Variants in RASIP1 observed in about 807,000 individuals in gnomAD.
RASIP1 encodes Ras interacting protein 1, also known as ras-interacting protein 1.
Under a neutral mutation model 85.3 loss-of-function variants are expected in RASIP1, and 20 were observed. The observed-to-expected ratio is 0.23, with a 90% CI of 0.17 to 0.34. The LOEUF (loss-of-function observed/expected upper bound fraction) is 0.34, where lower values mean the gene tolerates loss of function less well. Ranked by LOEUF, RASIP1 falls within the 10% of genes least tolerant of loss-of-function variation. The pLI, the probability that RASIP1 is intolerant of heterozygous loss-of-function variation, is 1.00. For synonymous variants in RASIP1, 617 were observed against 647.1 expected (o/e 0.95, Z 0.71); for missense variants, 1,170 against 1,390.9 (o/e 0.84, Z 2.53).
Position 48,739,376 on chromosome 19 carries a change from G to T in RASIP1, c.407C>A (p.Pro136Gln). ...ELAAGVAPEP[P>Q]LATRATAPPG... ...AGGCGCCGTGGCGCGGGTAGCCAGC[G>T]GGGGCTCGGGGGCCACGCCCGCCGC... Residue 136 changes from proline (P) to glutamine (Q), a missense_variant, in exon 3 of 12, where the codon CCG becomes CAG. Pro to Gln is a moderately conservative substitution (Grantham distance 76, BLOSUM62 -1). Around this residue, in one of 4 missense-constraint regions of RASIP1, gnomAD observed 299 missense variants for 394.4 expected, o/e 0.76. Coordinates refer to ENST00000222145, the MANE Select transcript of RASIP1 (RefSeq NM_017805.3). This position sits in a 1 kb window ranked among gnomAD's most constrained non-coding sequence, Gnocchi z 9.2. 7.5e-7 allele frequency: 1 copy of T among 1,341,800 alleles called. No homozygotes were observed. Among genetic ancestry groups the T allele is most frequent in the South Asian group, 1.9e-5 (1 of 53,924 alleles). 83.1% of individuals were successfully genotyped at this position (1,341,800 alleles called of 1,614,324 possible). A position where few individuals can be genotyped will look rare whatever the true frequency, so the allele number is the denominator to read the frequency against.
Position 48,740,359 on chromosome 19 carries a change from C to G in RASIP1, c.-4-73G>C. 1 of 1,499,388 alleles carries G rather than the reference C, an allele frequency of 6.7e-7. No homozygotes were observed. Among genetic ancestry groups the G allele is most frequent in the Non-Finnish European group, 8.9e-7 (1 of 1,121,472 alleles). 92.9% of individuals were successfully genotyped at this position (1,499,388 alleles called of 1,614,324 possible). On this transcript the variant is annotated intron_variant, in intron 1 of 11. Transcript: ENST00000222145. This position sits in a 1 kb window ranked among gnomAD's most constrained non-coding sequence, Gnocchi z 5.5. The stretch of plus-strand genomic sequence containing the variant: ...GATGGGGTGGAGGGAACCTGGACTC[C>G]GAGTCAGAGGGAGGAGGGGGCTGGG...
intron 11 of RASIP1, 29 bp downstream of exon 11, chr19:48,721,825 C>G (rs774725789): frequency 5.0e-6 from 8 of 1,584,216 alleles, no homozygotes; most frequent in Non-Finnish European, 6.9e-6. Context: ...AAGCTGACAG[C>G]CCCAATGCTG....
In RASIP1 at chr19:48,728,940, G is replaced by A; in HGVS notation, c.1830C>T (p.Val610=). 6.9e-7 allele frequency: 1 copy of A among 1,447,250 alleles called. No individual in the cohort carries two copies. The highest frequency in any genetic ancestry group is 1.4e-5 in the South Asian group (1 of 73,318). 89.7% of individuals were successfully genotyped at this position (1,447,250 alleles called of 1,614,324 possible). A position where few individuals can be genotyped will look rare whatever the true frequency, so the allele number is the denominator to read the frequency against. The part of the protein sequence containing the change: ...GRLARLIKEA[V]WEKIKEIGDR... ...ACGGCGATTGGGGGGCGCTCACCCA[G>A]ACGGCCTCCTTGATGAGCCGGGCCA... Residue 610 remains valine (V), a synonymous_variant, in exon 5 of 12, where the codon GTC becomes GTT. Coordinates refer to ENST00000222145, the MANE Select transcript of RASIP1 (RefSeq NM_017805.3).
Position 48,739,758 on chromosome 19 carries a change from G to A in RASIP1, c.138-113C>T, listed in dbSNP as rs992814534. Reference sequence around the variant, plus strand: ...GGGCAGAGACCCAGAGGGAGGACAGGGACCCAGGGTGGATGGACGGGGCGG... The same window carrying A: ...GGGCAGAGACCCAGAGGGAGGACAGAGACCCAGGGTGGATGGACGGGGCGG... On this transcript the variant is annotated intron_variant, in intron 2 of 11. Transcript: ENST00000222145. This position sits in a 1 kb window ranked among gnomAD's most constrained non-coding sequence, Gnocchi z 9.2. 8.2e-7 allele frequency: 1 copy of A among 1,212,972 alleles called. No individual in the cohort carries two copies. The highest frequency in any genetic ancestry group is 1.1e-6 in the Non-Finnish European group (1 of 938,844). The allele number at this position is 1,212,972 out of a possible 1,614,324, so 75.1% of individuals were successfully genotyped here.
chr19:48,727,720 G>A (rs1195396949), intron 5 of RASIP1, among the ~76,000 whole-genome samples: 2 of 129,642 alleles, frequency 1.5e-5, no homozygotes, highest in African/African-American at 5.6e-5. Context: ...GAGTTACCCT[G>A]TTGTTGCCCA....
chr19:48,729,271 G>A lies in RASIP1; in HGVS notation c.1499C>T (p.Pro500Leu). ...PRTGGSGPAR[P>L]PWLPARPGAT... ...CCCGGGGCGCGCGGGCAGCCACGGCGGCCTCGCAGGCCCCGAGCCCCCAGT... is the reference window on the plus strand; with the variant it reads ...CCCGGGGCGCGCGGGCAGCCACGGCAGCCTCGCAGGCCCCGAGCCCCCAGT... The change falls in exon 5 of 12, where the codon CCG (proline) becomes CTG (leucine). Residue 500 changes from proline (P) to leucine (L), a missense_variant. By Grantham distance (98) the Pro-to-Leu change is moderately conservative. Around this residue, in one of 4 missense-constraint regions of RASIP1, gnomAD observed 426 missense variants for 576.2 expected, o/e 0.74. Transcript: ENST00000222145. 24 of 1,511,982 alleles carry A rather than the reference G, an allele frequency of 1.6e-5. No homozygotes were observed. The highest frequency in any genetic ancestry group is 2.1e-5 in the Non-Finnish European group (24 of 1,133,758). 93.7% of individuals were successfully genotyped at this position (1,511,982 alleles called of 1,614,324 possible).
chr19:48,723,559 CAAAAAAAA>C (rs56200310), intron 10 of RASIP1, among the ~76,000 whole-genome samples: 2 of 77,310 alleles, frequency 2.6e-5, no homozygotes, highest in Admixed American at 1.3e-4. Flanking sequence ...GACTCCGTCT[CAAAAAAAA>C]AAAAAAAAAA....
Position 48,721,897 on chromosome 19 carries a change from G to A in RASIP1, c.2649C>T (p.Ala883=), listed in dbSNP as rs376250544. 169 of 1,606,550 alleles carry A rather than the reference G, an allele frequency of 1.1e-4. No individual in the cohort carries two copies. Among genetic ancestry groups the A allele is most frequent in the Middle Eastern group, 8.7e-4 (5 of 5,766 alleles). The change falls in exon 11 of 12, where the codon GCC becomes GCT. Residue 883 remains alanine, a synonymous_variant. Transcript: ENST00000222145. ...GCTCTGCAGGGGGAGGGTCCCACGCGGCTGGCGGCCCGCGGCCAGGGCCCA... is the reference window on the plus strand; with the variant it reads ...GCTCTGCAGGGGGAGGGTCCCACGCAGCTGGCGGCCCGCGGCCAGGGCCCA... ...YQLGPGRGPP[A]AWDPPPAERE...
At chr19:48,723,638 ACAGT>A (rs144145483) in intron 10 of RASIP1, among the ~76,000 whole-genome samples, 6,975 of 151,782 alleles carry the variant, frequency 0.046, 518 homozygotes, top group African/African-American at 0.16. Flanking sequence ...CATCCAAAAA[ACAGT>A]CAGTCACCTA....
At chr19:48,727,221 A>G (rs1012323709) in intron 6 of RASIP1, 63 bp from the exon 7 acceptor site, 16 of 1,599,880 alleles carry the variant, frequency 1.0e-5, no homozygotes, top group Admixed American at 1.7e-5. Flanking sequence ...ACAAACCCCA[A>G]GATCTAAGTC....
chr19:48,722,454 A>C (rs570636322), intron 10 of RASIP1, among the ~76,000 whole-genome samples: 2 of 151,720 alleles, frequency 1.3e-5, no homozygotes, highest in South Asian at 2.1e-4. Flanking sequence ...CCCAGCCTCC[A>C]GAGTAGCTGG....
Position 48,721,920 on chromosome 19 carries a change from CCA to C in RASIP1, c.2624_2625del (p.Leu875ArgfsTer58). 6.3e-7 allele frequency: 1 copy of C among 1,599,376 alleles called. No individual in the cohort carries two copies. ...QLHHLLSHYQ[L>X]GPGRGPPAAW... Reference sequence around the variant, plus strand: ...GCGGCTGGCGGCCCGCGGCCAGGGCCCAGCTGATAGTGGCTGAGCAGATGGTG... The same window carrying C: ...GCGGCTGGCGGCCCGCGGCCAGGGCCGCTGATAGTGGCTGAGCAGATGGTG... On this transcript the variant is annotated frameshift_variant, in exon 11 of 12. Coordinates refer to ENST00000222145, the MANE Select transcript of RASIP1 (RefSeq NM_017805.3). LOFTEE classifies it high-confidence loss of function.
chr19:48,740,031 T>G lies in RASIP1; in HGVS notation c.137+115A>C. Reference sequence around the variant, plus strand: ...CCGTCTCCCCCTGCCCACCAGCTCGTTTGCCCAATTCAGGATGAGGACCGG... The same window carrying G: ...CCGTCTCCCCCTGCCCACCAGCTCGGTTGCCCAATTCAGGATGAGGACCGG... On this transcript the variant is annotated intron_variant, in intron 2 of 11. Transcript: ENST00000222145. This position sits in a 1 kb window ranked among gnomAD's most constrained non-coding sequence, Gnocchi z 5.5. The G allele has an allele frequency of 7.4e-7, 1 of 1,355,358 alleles. No homozygotes were observed. The highest frequency in any genetic ancestry group is 9.8e-7 in the Non-Finnish European group (1 of 1,022,934). The allele number at this position is 1,355,358 out of a possible 1,614,324, so 84.0% of individuals were successfully genotyped here. A position where few individuals can be genotyped will look rare whatever the true frequency, so the allele number is the denominator to read the frequency against.
chr19:48,734,657 T>C (rs1479656643), intron 4 of RASIP1, among the ~76,000 whole-genome samples: 2 of 152,090 alleles, frequency 1.3e-5, no homozygotes, highest in Non-Finnish European at 2.9e-5. Flanking sequence ...CCGGCTAATT[T>C]TGTATTTTTA....
In RASIP1 at chr19:48,724,877, C is replaced by T; in HGVS notation, c.2211G>A (p.Leu737=). 2 of 1,614,276 alleles carry T rather than the reference C, an allele frequency of 1.2e-6. No individual in the cohort carries two copies. Among genetic ancestry groups the T allele is most frequent in the South Asian group, 1.1e-5 (1 of 91,082 alleles). The change falls in exon 9 of 12, where the codon CTG becomes CTA. Residue 737 remains leucine (L), a synonymous_variant. Coordinates refer to ENST00000222145, the MANE Select transcript of RASIP1 (RefSeq NM_017805.3). This position sits in a 1 kb window ranked among gnomAD's most constrained non-coding sequence, Gnocchi z 4.6. The part of the protein sequence containing the change: ...GAELPGPGAE[L]GAMPPGLRPT... ...GTCTCAATCCTGGAGGCATGGCCCCCAGCTCCGCGCCAGGCCCCGGCAGCT... is the reference window on the plus strand; with the variant it reads ...GTCTCAATCCTGGAGGCATGGCCCCTAGCTCCGCGCCAGGCCCCGGCAGCT...
intron 8 of RASIP1, among the ~76,000 whole-genome samples, chr19:48,725,770 T>G (rs971048863): frequency 6.6e-6 from 1 of 152,188 alleles, no homozygotes; most frequent in African/African-American, 2.4e-5. Context: ...TCTCTAGCTA[T>G]CTATCAATCA....
intron 5 of RASIP1, among the ~76,000 whole-genome samples, chr19:48,728,589 C>T (rs574901476): frequency 1.8e-4 from 27 of 152,192 alleles, no homozygotes; most frequent in Middle Eastern, 3.4e-3. Context: ...TATGGTGAAA[C>T]CCCGTCTTAC....
At position 48,729,437 on chromosome 19, in the gene RASIP1, C is replaced by T. The variant is rs1454985121; in HGVS notation, c.1333G>A (p.Glu445Lys). ...PRHCTVRAGPEHPAMVRPSRG... is the reference protein window; with the variant it reads ...PRHCTVRAGPKHPAMVRPSRG... The stretch of plus-strand genomic sequence containing the variant: ...GACGGGCGCACCATGGCCGGGTGCT[C>T]AGGGCCCGCGCGCACTGTGCAGTGA... The change falls in exon 5 of 12, where the codon GAG becomes AAG. Residue 445 changes from glutamate (E) to lysine (K), a missense_variant. Around this residue, in one of 4 missense-constraint regions of RASIP1, gnomAD observed 301 missense variants for 294.8 expected, o/e 1.02. Transcript: ENST00000222145. 2 of 1,563,166 alleles carry T rather than the reference C, an allele frequency of 1.3e-6. No homozygotes were observed. The highest frequency in any genetic ancestry group is 1.7e-6 in the Non-Finnish European group (2 of 1,154,510).
intron 3 of RASIP1, among the ~76,000 whole-genome samples, chr19:48,736,760 C>T (rs898421893): frequency 2.7e-4 from 41 of 151,974 alleles, no homozygotes; most frequent in African/African-American, 8.2e-4. Context: ...CCAGGCTGGG[C>T]GCGGTGGCTC....
Sources: allele counts gnomAD v4.1 joint callset (sites outside exome capture counted in the v4.1 genomes callset), GRCh38; gene constraint gnomAD v4.1.1; regional missense constraint gnomAD v4.1.1; non-coding constraint Gnocchi (gnomAD v3.1); transcripts MANE v1.5; gene names NCBI Gene and HGNC (gene_info 2026-07-23, HGNC 2026-07-21).